BRWD1: variants seen among roughly 807,000 people sequenced by gnomAD.
BRWD1 encodes bromodomain and WD repeat-containing protein 1.
BRWD1 carries 82 observed loss-of-function variants against 251.2 expected under a neutral mutation model. The ratio of observed to expected loss-of-function variants is 0.33; its 90% CI spans 0.27 to 0.39. The LOEUF is 0.39. Among genes scored for constraint, BRWD1 ranks in the 10% least tolerant of loss-of-function variants. The probability of loss-of-function intolerance (pLI) is 1.00; values close to 1 mark genes in which losing one functional copy is unlikely to be tolerated. For missense variants in BRWD1, 2,233 were observed against 2,711.6 expected (o/e 0.82, Z 3.92); for synonymous variants, 918 against 902.8 (o/e 1.02, Z -0.30).
Position 39,264,996 on chromosome 21 carries a change from A to T in BRWD1, c.1554T>A (p.Ala518=). The T allele has an allele frequency of 6.2e-7, 1 of 1,613,966 alleles. No individual in the cohort carries two copies. ...CCTGTGAAAACTTACAGTCAAACAC[A>T]GCTCCATGTCCTTGTCCTTCAATCT... The part of the protein sequence containing the change: ...FNMIEGQGHG[A]VFDCKFSQDG... The change falls in exon 16 of 41, where the codon GCT becomes GCA. Residue 518 remains alanine, a synonymous_variant. Transcript: ENST00000342449.
chr21:39,280,298 TAC>T, intron 8 of BRWD1, 50 bp from the exon 9 acceptor site: 2 of 1,399,378 alleles, frequency 1.4e-6, no homozygotes, highest in Non-Finnish European at 2.0e-6. Flanking sequence ...CTACTTAAGT[TAC>T]AGTTTAATAG....
At chr21:39,282,054 A>G (rs2035485868) in intron 8 of BRWD1, among the ~76,000 whole-genome samples, 1 of 151,754 alleles carries the variant, frequency 6.6e-6, no homozygotes, top group Non-Finnish European at 1.5e-5. Context: ...ACATATGTAT[A>G]TATACACGTA....
intron 29 of BRWD1, 127 bp from the exon 30 acceptor site, chr21:39,218,787 A>C: frequency 1.4e-6 from 1 of 698,408 alleles, no homozygotes; most frequent in Non-Finnish European, 2.1e-6. Context: ...TAGAGTTCAA[A>C]TGTGCAACTC....
chr21:39,305,110 C>T (rs2036244873), intron 4 of BRWD1, among the ~76,000 whole-genome samples: 1 of 151,996 alleles, frequency 6.6e-6, no homozygotes, highest in African/African-American at 2.4e-5. Flanking sequence ...CAGGCATGTA[C>T]CACCATGCCT....
Position 39,293,985 on chromosome 21 carries a change from G to C in BRWD1, c.657C>G (p.Arg219=). Residue 219 remains arginine, a synonymous_variant, in exon 8 of 41, where the codon CGC becomes CGG. Coordinates refer to ENST00000342449, the MANE Select transcript of BRWD1 (RefSeq NM_033656.4). The part of the protein sequence containing the change: ...LVKIWSTHNG[R]LLSTLRGHSA... Reference sequence around the variant, plus strand: ...AATGACCTCTTAATGTAGATAACAAGCGGCCATTATGTGTTGACCAAATCT... The same window carrying C: ...AATGACCTCTTAATGTAGATAACAACCGGCCATTATGTGTTGACCAAATCT... 1 of 1,614,152 alleles carries C rather than the reference G, an allele frequency of 6.2e-7. No homozygotes were observed. Among genetic ancestry groups the C allele is most frequent in the Non-Finnish European group, 8.5e-7 (1 of 1,180,034 alleles).
chr21:39,274,598 A>C, intron 12 of BRWD1, 126 bp from the exon 13 acceptor site: 1 of 769,714 alleles, frequency 1.3e-6, no homozygotes, highest in Non-Finnish European at 2.1e-6. Flanking sequence ...CACAGGTGTT[A>C]ATTCAAAAGA....
chr21:39,240,427 G>GAGGTTGCAGTGAGCTATGATTGC (rs1568904009), intron 21 of BRWD1, among the ~76,000 whole-genome samples: 1 of 152,216 alleles, frequency 6.6e-6, no homozygotes, highest in African/African-American at 2.4e-5. Context: ...CTAGGAGTTC[G>GAGGTTGCAGTGAGCTATGATTGC]AGGTTGCAGT....
intron 29 of BRWD1, among the ~76,000 whole-genome samples, chr21:39,222,251 T>C (rs1303501021): frequency 6.6e-6 from 1 of 152,212 alleles, no homozygotes; most frequent in Admixed American, 6.5e-5. Flanking sequence ...AGGAGGACTA[T>C]TCACCGCCAA....
intron 38 of BRWD1, among the ~76,000 whole-genome samples, chr21:39,201,352 C>T (rs1246459576): frequency 1.3e-5 from 2 of 152,176 alleles, no homozygotes; most frequent in Non-Finnish European, 2.9e-5. Context: ...TCCCTCTGCA[C>T]ATCACTGCCA....
intron 12 of BRWD1, 98 bp downstream of exon 12, chr21:39,276,075 G>C: frequency 9.4e-7 from 1 of 1,066,914 alleles, no homozygotes; most frequent in Non-Finnish European, 1.3e-6. Flanking sequence ...AATATAAAGG[G>C]AAAAAATACA....
intron 25 of BRWD1, 132 bp downstream of exon 25, chr21:39,232,045 A>T: frequency 1.2e-6 from 1 of 844,462 alleles, no homozygotes; most frequent in Non-Finnish European, 1.8e-6. Context: ...AGGTTTGGTT[A>T]CAGCAGAAAT....
intron 36 of BRWD1, among the ~76,000 whole-genome samples, chr21:39,209,230 C>T (rs1034192444): frequency 7.9e-5 from 12 of 152,038 alleles, no homozygotes; most frequent in Admixed American, 5.2e-4. Flanking sequence ...CTTTCCAGAC[C>T]TCTCCTTTCC....
At chr21:39,239,866 A>G (rs1336876093) in intron 21 of BRWD1, among the ~76,000 whole-genome samples, 4 of 152,164 alleles carry the variant, frequency 2.6e-5, no homozygotes, top group Non-Finnish European at 5.9e-5. Flanking sequence ...ACTAAACATA[A>G]TAAGATCCAG....
At chr21:39,302,832 G>C (rs2036163780) in intron 4 of BRWD1, among the ~76,000 whole-genome samples, 1 of 151,834 alleles carries the variant, frequency 6.6e-6, no homozygotes, top group African/African-American at 2.4e-5. Context: ...GGCCCAGACA[G>C]GCGGATCACT....
At chr21:39,263,882 G>A (rs1308831460) in intron 17 of BRWD1, among the ~76,000 whole-genome samples, 4 of 152,184 alleles carry the variant, frequency 2.6e-5, no homozygotes, top group African/African-American at 9.7e-5. Flanking sequence ...CATCCTGACA[G>A]TATGCTCTAT....
chr21:39,275,625 T>C (rs1203510120), intron 12 of BRWD1, among the ~76,000 whole-genome samples: 2 of 152,236 alleles, frequency 1.3e-5, no homozygotes, highest in East Asian at 1.9e-4. Flanking sequence ...GCTCAGTATG[T>C]GAAGTGGCAG....
chr21:39,318,279 A>G (rs1735294704), upstream of BRWD1, among the ~76,000 whole-genome samples: 1 of 152,214 alleles, frequency 6.6e-6, no homozygotes, highest in Non-Finnish European at 1.5e-5. Flanking sequence ...AATGGAATGA[A>G]TTAGTAGATT....
chr21:39,293,485 T>G lies in BRWD1; in HGVS notation c.831+326A>C, dbSNP rs540079276. Among the ~76,000 whole-genome samples the G allele has an allele frequency of 1.3e-3, 184 of 146,764 alleles. 1 individual carries two copies. Among genetic ancestry groups the G allele is most frequent in the African/African-American group, 4.3e-3 (170 of 39,272 alleles). On this transcript the variant is annotated intron_variant, in intron 8 of 40. Coordinates refer to ENST00000342449, the MANE Select transcript of BRWD1 (RefSeq NM_033656.4). The stretch of plus-strand genomic sequence containing the variant: ...TCCAGCCTGGGCAACAGAACAAGAC[T>G]CAGTCTCAAAAAAAAAAAAAAATCA...
At chr21:39,316,958 A>T (rs186937550), upstream of BRWD1, 5 of 152,208 alleles carry the variant, frequency 3.3e-5, no homozygotes, top group South Asian at 2.1e-4. Flanking sequence ...ACACGATGAC[A>T]TGAGTTTTCC....
Sources: gnomAD v4.1 joint callset for allele counts (sites outside exome capture counted in the v4.1 genomes callset) on GRCh38, gnomAD v4.1.1 for gene constraint, MANE v1.5 for transcripts, NCBI Gene and HGNC (gene_info 2026-07-23, HGNC 2026-07-21) for gene names.